Variants in CMTM1 observed in about 807,000 individuals in gnomAD.
CMTM1 encodes CKLF-like MARVEL transmembrane domain-containing protein 1.
A neutral mutation model predicts 17.8 loss-of-function variants in CMTM1; 16 were observed. The ratio of observed to expected loss-of-function variants is 0.90; its 90% CI spans 0.61 to 1.37. CMTM1 has a LOEUF of 1.37. Ranked by LOEUF, CMTM1 falls within the 40% of genes most tolerant of loss-of-function variation. The pLI is 0.00. For missense variants in CMTM1, 354 were observed against 375.6 expected, an observed-to-expected ratio of 0.94 and a Z score of 0.47; for synonymous variants, 169 against 154.6, an observed-to-expected ratio of 1.09 and a Z score of -0.69.
chr16:66,579,053 G>T lies in CMTM1; in HGVS notation c.*52G>T, dbSNP rs769712526. On this transcript the variant is annotated 3_prime_UTR_variant, in exon 4 of 4. Coordinates refer to ENST00000379500, the MANE Select transcript of CMTM1 (RefSeq NM_052999.4). This position sits in a 1 kb window ranked among gnomAD's most constrained non-coding sequence, Gnocchi z 6.5. ...ACGTGTCTGTCGAATCGCTGCCTCCGAGCCCACCCCCGAGCTCGCATGCTG... is the reference window on the plus strand; with the variant it reads ...ACGTGTCTGTCGAATCGCTGCCTCCTAGCCCACCCCCGAGCTCGCATGCTG... 9 of 1,591,924 alleles carry T rather than the reference G, an allele frequency of 5.7e-6. 1 individual carries two copies. In the African/African-American group the frequency reaches 1.2e-4, roughly 21 times the overall value.
At position 66,566,709 on chromosome 16, in the gene CMTM1, G is replaced by A. The variant is rs1028768131; in HGVS notation, c.196G>A (p.Ala66Thr). The A allele has an allele frequency of 1.9e-6, 3 of 1,613,822 alleles. No homozygotes were observed. The highest frequency in any genetic ancestry group is 1.7e-5 in the Admixed American group (1 of 59,976). The change falls in exon 1 of 4, where the codon GCC (alanine) becomes ACC (threonine). Residue 66 changes from alanine to threonine, a missense_variant. Physicochemically the swap from Ala to Thr is moderately conservative, Grantham distance 58. Transcript: ENST00000379500. This position sits in a 1 kb window ranked among gnomAD's most constrained non-coding sequence, Gnocchi z 4.9. Reference protein sequence around the residue: ...VSIRSAQSAAAARPQGSEGTA... With the variant: ...VSIRSAQSAATARPQGSEGTA... Reference sequence around the variant, plus strand: ...AATTCGCAGTGCGCAGTCCGCAGCCGCCGCACGTCCCCAAGGCAGTGAGGG... The same window carrying A: ...AATTCGCAGTGCGCAGTCCGCAGCCACCGCACGTCCCCAAGGCAGTGAGGG...
At chr16:66,573,037 G>C (rs969371586) in intron 2 of CMTM1, among the ~76,000 whole-genome samples, 68 of 152,256 alleles carry the variant, frequency 4.5e-4, no homozygotes, top group Admixed American at 1.6e-3. Context: ...CTCAGTCTCT[G>C]AGTTGCAGCT....
intron 2 of CMTM1, chr16:66,571,142 C>T (rs780603427): frequency 2.2e-4 from 101 of 457,068 alleles, no homozygotes; most frequent in Non-Finnish European, 3.8e-4. Flanking sequence ...CACAGAATGC[C>T]GAGTACAGGA....
chr16:66,574,488 A>G (rs1028257671), intron 2 of CMTM1, among the ~76,000 whole-genome samples: 97 of 152,242 alleles, frequency 6.4e-4, no homozygotes, highest in Non-Finnish European at 9.1e-4. Context: ...GTTTGTTGTG[A>G]GAATCAAATG....
At chr16:66,571,045 T>G (rs1370361388) in intron 2 of CMTM1, 1 of 429,322 alleles carries the variant, frequency 2.3e-6, no homozygotes, top group African/African-American at 2.1e-5. Flanking sequence ...AACCTTAAAG[T>G]CAGAATGTTC....
chr16:66,567,090 A>AC lies in CMTM1; in HGVS notation c.432+150dup, dbSNP rs927623157. 3 of 759,890 alleles carry AC rather than the reference A, an allele frequency of 3.9e-6. No homozygotes were observed. In the African/African-American group the frequency reaches 5.9e-5, roughly 15 times the overall value. The allele number at this position is 759,890 out of a possible 1,614,324, so 47.1% of individuals were successfully genotyped here. ...TTTTGCCTCACCTTTCCTCCCCACC[A>AC]CCCCCTGCTCCCCACACACTAAACC... On this transcript the variant is annotated intron_variant, in intron 1 of 3. Transcript: ENST00000379500.
rs1388027762 is a variant in CMTM1, at chr16:66,566,657, CGCACCCCGGAA to C, written c.153_163del (p.Lys52SerfsTer18). 4 of 1,613,948 alleles carry C rather than the reference CGCACCCCGGAA, an allele frequency of 2.5e-6. No homozygotes were observed. Among genetic ancestry groups the C allele is most frequent in the South Asian group, 2.2e-5 (2 of 91,076 alleles). ...CACAGCGCAACATCTCAGCGAAGAC[CGCACCCCGGAA>C]GCACCCCGCAGTCTCAATTCGCAGT... On this transcript the variant is annotated frameshift_variant, in exon 1 of 4. Coordinates refer to ENST00000379500, the MANE Select transcript of CMTM1 (RefSeq NM_052999.4). LOFTEE classifies it high-confidence loss of function. The surrounding 1 kb of genome is among the most constrained non-coding windows in gnomAD (Gnocchi z 4.9).
Position 66,578,532 on chromosome 16 carries a change from C to T in CMTM1, c.691-299C>T, listed in dbSNP as rs866874551. ...ACGGAGAGGGCTTCTCAGGACCTAA[C>T]CCCTACCTGCAGCCACCTAGGGCCA... On this transcript the variant is annotated intron_variant, in intron 3 of 3. Coordinates refer to ENST00000379500, the MANE Select transcript of CMTM1 (RefSeq NM_052999.4). 2.0e-5 allele frequency among the ~76,000 whole-genome samples: 3 copies of T among 152,318 alleles called. No individual in the cohort carries two copies. The South Asian group carries it at 6.2e-4, about 32-fold the overall frequency.
chr16:66,569,361 G>A (rs1020558511), intron 1 of CMTM1, among the ~76,000 whole-genome samples: 5 of 152,186 alleles, frequency 3.3e-5, no homozygotes, highest in Non-Finnish European at 5.9e-5. Context: ...AGAAGAGGAA[G>A]ACTAGGTGAA....
At chr16:66,576,704 A>G (rs1397935474) in intron 2 of CMTM1, among the ~76,000 whole-genome samples, 1 of 152,232 alleles carries the variant, frequency 6.6e-6, no homozygotes, top group African/African-American at 2.4e-5. Flanking sequence ...CAAATGAGTT[A>G]TGGAATAGAA....
At chr16:66,578,342 C>T (rs1366937375) in intron 3 of CMTM1, among the ~76,000 whole-genome samples, 1 of 152,204 alleles carries the variant, frequency 6.6e-6, no homozygotes, top group Admixed American at 6.5e-5. Flanking sequence ...CTGATAGAGT[C>T]CCAGATCCTG....
In CMTM1 at chr16:66,566,445, CTGGT is replaced by C. The variant is rs2012338075; in HGVS notation, c.-67_-64del. ...AGCCAACAGCCGTTGGGACGCGACG[CTGGT>C]TCCCAGGGGAGAGCCAGCCGCTGCC... On this transcript the variant is annotated 5_prime_UTR_variant, in exon 1 of 4. Transcript: ENST00000379500. The surrounding 1 kb of genome is among the most constrained non-coding windows in gnomAD (Gnocchi z 4.9). The C allele has an allele frequency of 4.0e-6, 6 of 1,490,284 alleles. No individual in the cohort carries two copies. 92.3% of individuals were successfully genotyped at this position (1,490,284 alleles called of 1,614,324 possible).
At chr16:66,570,752 T>A (rs1431509024) in intron 2 of CMTM1, among the ~76,000 whole-genome samples, 1 of 152,228 alleles carries the variant, frequency 6.6e-6, no homozygotes, top group African/African-American at 2.4e-5. Context: ...GCCACCTTAC[T>A]AGCTATGTAA....
intron 2 of CMTM1, among the ~76,000 whole-genome samples, chr16:66,576,889 G>A (rs572432237): frequency 1.1e-4 from 16 of 152,122 alleles, no homozygotes; most frequent in Admixed American, 2.0e-4. Flanking sequence ...AAATAAACCC[G>A]TTTCTACAGA....
chr16:66,573,592 G>A (rs1434483001), intron 2 of CMTM1, among the ~76,000 whole-genome samples: 1 of 151,314 alleles, frequency 6.6e-6, no homozygotes, highest in Non-Finnish European at 1.5e-5. Context: ...AATGAAAGTT[G>A]CAGTTAATTG....
At position 66,578,999 on chromosome 16, in the gene CMTM1, T is replaced by G. The variant is rs754489747; in HGVS notation, c.859T>G (p.Ter287GlyextTer?). The G allele has an allele frequency of 6.2e-7, 1 of 1,612,848 alleles. No homozygotes were observed. The highest frequency in any genetic ancestry group is 1.7e-5 in the Admixed American group (1 of 59,990). The change falls in exon 4 of 4, where the codon TGA (stop) becomes GGA (glycine). Residue 287 changes from the stop codon to glycine, a stop_lost. Coordinates refer to ENST00000379500, the MANE Select transcript of CMTM1 (RefSeq NM_052999.4). ...CCCCGACGCCCCGCAGAGGCCCGCCTGAAGCCAGCCCGGCGCCCTAGCAGA... is the reference window on the plus strand; with the variant it reads ...CCCCGACGCCCCGCAGAGGCCCGCCGGAAGCCAGCCCGGCGCCCTAGCAGA... ...TGPDAPQRPA[*>G]
chr16:66,567,076 C>G, intron 1 of CMTM1, 131 bp downstream of exon 1: 2 of 901,186 alleles, frequency 2.2e-6, no homozygotes, highest in Non-Finnish European at 1.8e-6. Flanking sequence ...TTTGCCTCAC[C>G]TTTCCTCCCC....
At chr16:66,575,307 T>A (rs1001273436) in intron 2 of CMTM1, 3 of 705,562 alleles carry the variant, frequency 4.3e-6, no homozygotes, top group Admixed American at 6.3e-5. Flanking sequence ...GCTTTCAGAT[T>A]CATTATGCCA....
chr16:66,574,799 A>G (rs932032089), intron 2 of CMTM1: 6 of 197,482 alleles, frequency 3.0e-5, no homozygotes, highest in African/African-American at 1.2e-4. Flanking sequence ...AGAGAAACTG[A>G]GCTCCGGTTA....
Sources: allele counts gnomAD v4.1 joint callset (sites outside exome capture counted in the v4.1 genomes callset), GRCh38; gene constraint gnomAD v4.1.1; non-coding constraint Gnocchi (gnomAD v3.1); transcripts MANE v1.5; gene names NCBI Gene and HGNC (gene_info 2026-07-23, HGNC 2026-07-21).